HS3ST5: variants seen among roughly 807,000 people sequenced by gnomAD.
HS3ST5 encodes the protein heparan sulfate-glucosamine 3-sulfotransferase 5.
Under a neutral mutation model 25.4 loss-of-function variants are expected in HS3ST5, and 10 were observed. The ratio of observed to expected loss-of-function variants is 0.39; its 90% CI spans 0.24 to 0.67. The LOEUF is 0.67. Ranked by LOEUF, HS3ST5 falls within the 30% of genes least tolerant of loss-of-function variation. HS3ST5 has a pLI of 0.44. For missense variants in HS3ST5, 324 were observed against 420.7 expected, an observed-to-expected ratio of 0.77 and a Z score of 2.01; for synonymous variants, 170 against 162.4, an observed-to-expected ratio of 1.05 and a Z score of -0.36.
At chr6:114,222,301 C>T (rs1186688769) in intron 2 of HS3ST5, among the ~76,000 whole-genome samples, 15 of 151,868 alleles carry the variant, frequency 9.9e-5, no homozygotes, top group Admixed American at 9.8e-4. Context: ...CATGCCTCAA[C>T]AAGGCCATGA....
intron 3 of HS3ST5, among the ~76,000 whole-genome samples, chr6:114,154,991 C>T (rs1778630966): frequency 6.6e-6 from 1 of 152,140 alleles, no homozygotes; most frequent in South Asian, 2.1e-4. Context: ...CCACCCCACC[C>T]CCAGCTGGAA....
At chr6:114,230,452 C>A (rs961786398) in intron 1 of HS3ST5, 2 of 151,972 alleles carry the variant, frequency 1.3e-5, no homozygotes, top group Admixed American at 1.3e-4. Flanking sequence ...TCACTACTAT[C>A]TTCCCTTCAT....
rs1776922247 is a variant in HS3ST5 at position 114,342,398 on chromosome 6, G to C, written c.-542C>G. 5.3e-6 allele frequency: 1 copy of C among 189,564 alleles called. No homozygotes were observed. Among genetic ancestry groups the C allele is most frequent in the Middle Eastern group, 2.3e-3 (1 of 430 alleles). 11.7% of individuals were successfully genotyped at this position (189,564 alleles called of 1,614,324 possible). A position where few individuals can be genotyped will look rare whatever the true frequency, so the allele number is the denominator to read the frequency against. On this transcript the variant is annotated 5_prime_UTR_variant, in exon 1 of 5. Transcript: ENST00000312719. The stretch of plus-strand genomic sequence containing the variant: ...GGCTGTGCGTGGCGCGTGTGAGTAA[G>C]ACGCGAGCGGGCCCCACACGCAGGC...
At chr6:114,205,871 C>T (rs141830710) in intron 2 of HS3ST5, among the ~76,000 whole-genome samples, 32 of 152,286 alleles carry the variant, frequency 2.1e-4, no homozygotes, top group Middle Eastern at 3.4e-3. Context: ...TGCCACTGAT[C>T]TGACAGGAGG....
In HS3ST5 at chr6:114,148,490, G is replaced by A. The variant is rs186788648; in HGVS notation, c.-33+19861C>T. Among the ~76,000 whole-genome samples, 61 of 152,116 alleles carry A rather than the reference G, an allele frequency of 4.0e-4. No individual in the cohort carries two copies. In the South Asian group the frequency reaches 8.8e-3, roughly 22 times the overall value. On this transcript the variant is annotated intron_variant, in intron 3 of 4. Coordinates refer to ENST00000312719, the MANE Select transcript of HS3ST5 (RefSeq NM_153612.4). ...AAAAAAATTAACTGGGTGTGGTGGC[G>A]GACACCTGTAATCCCAGCTACTCAG...
intron 1 of HS3ST5, among the ~76,000 whole-genome samples, chr6:114,262,407 C>T (rs1021805812): frequency 3.9e-5 from 6 of 152,144 alleles, no homozygotes; most frequent in Non-Finnish European, 7.4e-5. Context: ...ATTAGCCAGG[C>T]GTGGTGGCAG....
chr6:114,201,157 A>C (rs1232952484), intron 2 of HS3ST5, among the ~76,000 whole-genome samples: 1 of 152,208 alleles, frequency 6.6e-6, no homozygotes, highest in African/African-American at 2.4e-5. Flanking sequence ...TATGTCCAGT[A>C]CTAAATTTGA....
intron 3 of HS3ST5, among the ~76,000 whole-genome samples, chr6:114,152,951 C>G (rs1778527771): frequency 6.6e-6 from 1 of 152,140 alleles, no homozygotes; most frequent in African/African-American, 2.4e-5. Flanking sequence ...AATTTTCATG[C>G]TCTTTATTTT....
chr6:114,281,064 C>T (rs566929612), intron 1 of HS3ST5, among the ~76,000 whole-genome samples: 20 of 151,986 alleles, frequency 1.3e-4, no homozygotes, highest in African/African-American at 2.4e-4. Context: ...GTAAGAGTTT[C>T]GATACCATTT....
At chr6:114,130,569 A>G (rs961707129) in intron 3 of HS3ST5, among the ~76,000 whole-genome samples, 2 of 151,964 alleles carry the variant, frequency 1.3e-5, no homozygotes, top group Non-Finnish European at 2.9e-5. Context: ...CCCTGTTGTT[A>G]CAATTTTTTT....
intron 3 of HS3ST5, among the ~76,000 whole-genome samples, chr6:114,064,447 A>T (rs149216876): frequency 1.4e-4 from 21 of 152,310 alleles, no homozygotes; most frequent in African/African-American, 5.1e-4. Context: ...AAAGAAAATT[A>T]AGGAAAAGGT....
intron 1 of HS3ST5, among the ~76,000 whole-genome samples, chr6:114,319,128 T>G (rs1582813126): frequency 6.6e-6 from 1 of 152,184 alleles, no homozygotes; most frequent in Non-Finnish European, 1.5e-5. Context: ...CTATTAAACA[T>G]GATACAAGTT....
chr6:114,235,984 T>A (rs564298210), intron 1 of HS3ST5, among the ~76,000 whole-genome samples: 7 of 152,326 alleles, frequency 4.6e-5, no homozygotes, highest in African/African-American at 1.7e-4. Flanking sequence ...AAACTTCAGC[T>A]CCTAATGAGT....
intron 2 of HS3ST5, among the ~76,000 whole-genome samples, chr6:114,213,040 T>C (rs540674362): frequency 2.1e-3 from 327 of 152,202 alleles, no homozygotes; most frequent in Middle Eastern, 6.8e-3. Flanking sequence ...CACGAATGAA[T>C]TGAAGATGGT....
At chr6:114,081,690 C>T (rs17075859) in intron 3 of HS3ST5, among the ~76,000 whole-genome samples, 5,149 of 152,226 alleles carry the variant, frequency 0.034, 132 homozygotes, top group African/African-American at 0.072. Context: ...ATATCTCCTC[C>T]ACACTAATAG....
Position 114,117,301 on chromosome 6 carries a change from C to A in HS3ST5, c.-33+51050G>T, listed in dbSNP as rs115818242. Among the ~76,000 whole-genome samples the A allele has an allele frequency of 2.4e-3, 366 of 152,234 alleles. 4 individuals carry two copies. Among genetic ancestry groups the A allele is most frequent in the African/African-American group, 8.4e-3 (347 of 41,536 alleles). On this transcript the variant is annotated intron_variant, in intron 3 of 4. Transcript: ENST00000312719. ...CATGTGATCATGGTTTATATCTGGG[C>A]ATCACTTATCTCTGCTAGAAAACAC...
chr6:114,286,680 A>G lies in HS3ST5; in HGVS notation c.-339+55515T>C, dbSNP rs573433648. On this transcript the variant is annotated intron_variant, in intron 1 of 4. Transcript: ENST00000312719. The stretch of plus-strand genomic sequence containing the variant: ...ACAAACTAGCATTGAATTACCAGTG[A>G]CTTATTAAATTTTTTTCCCTCAAGC... Among the ~76,000 whole-genome samples the G allele has an allele frequency of 1.6e-4, 25 of 152,082 alleles. No individual in the cohort carries two copies. In the South Asian group the frequency reaches 5.0e-3, roughly 30 times the overall value.
At chr6:114,150,233 C>G (rs1327859039) in intron 3 of HS3ST5, among the ~76,000 whole-genome samples, 4 of 152,146 alleles carry the variant, frequency 2.6e-5, no homozygotes, top group African/African-American at 9.7e-5. Context: ...TTAATCTGTA[C>G]TGTTATTTGT....
chr6:114,076,331 A>T (rs1372785942), intron 3 of HS3ST5, among the ~76,000 whole-genome samples: 5 of 152,218 alleles, frequency 3.3e-5, no homozygotes. Context: ...AAATTCTCTT[A>T]TTCTAGGAAA....
Sources: gnomAD v4.1 joint callset for allele counts (sites outside exome capture counted in the v4.1 genomes callset) on GRCh38, gnomAD v4.1.1 for gene constraint, MANE v1.5 for transcripts, NCBI Gene and HGNC (gene_info 2026-07-23, HGNC 2026-07-21) for gene names.